ZNF324B: variants seen among roughly 807,000 people sequenced by gnomAD.
ZNF324B encodes zinc finger protein 324B.
ZNF324B carries 7 observed loss-of-function variants against 10.6 expected under a neutral mutation model. The observed-to-expected ratio is 0.66, with a 90% CI of 0.38 to 1.24. ZNF324B has a LOEUF of 1.24. Among genes scored for constraint, ZNF324B ranks in the 50% most tolerant of loss-of-function variants. ZNF324B has a pLI of 0.02. For missense variants in ZNF324B, 640 were observed against 764.7 expected, an observed-to-expected ratio of 0.84 and a Z score of 1.92; for synonymous variants, 316 against 321.0, an observed-to-expected ratio of 0.98 and a Z score of 0.17.
chr19:58,456,226 G>T lies in ZNF324B; in HGVS notation c.1282G>T (p.Ala428Ser), dbSNP rs200100167. ...VHTGEKPFAC[A>S]QCGRSFSRSS... ...CACAGGCGAGAAGCCCTTCGCCTGC[G>T]CCCAGTGCGGCCGCTCCTTTAGCCG... is the stretch of plus-strand genomic sequence containing the variant. Residue 428 changes from alanine (A) to serine (S), a missense_variant, in exon 4 of 4, where the codon GCC (alanine) becomes TCC (serine). This residue lies in a region of ZNF324B where 238 missense variants were observed against 258.0 expected (regional missense o/e 0.92). Transcript: ENST00000336614. This position sits in a 1 kb window ranked among gnomAD's most constrained non-coding sequence, Gnocchi z 4.7. The T allele has an allele frequency of 2.5e-6, 4 of 1,612,684 alleles. No individual in the cohort carries two copies. The highest frequency in any genetic ancestry group is 1.1e-5 in the South Asian group (1 of 91,048).
chr19:58,434,186 G>T, the ZNF324B span: 1 of 1,614,202 alleles, frequency 6.2e-7, no homozygotes, highest in Non-Finnish European at 8.5e-7. Context: ...CTCCAGTGCT[G>T]AATGAGAGCA....
upstream of ZNF324B, among the ~76,000 whole-genome samples, chr19:58,448,726 C>CA (rs949221732): frequency 1.7e-4 from 25 of 150,968 alleles, no homozygotes; most frequent in African/African-American, 1.7e-4. Context: ...GACTCCATCT[C>CA]AAAAAAAATA....
Position 58,457,107 on chromosome 19 carries a change from G to A in ZNF324B, c.*528G>A, listed in dbSNP as rs1599987109. 6.2e-6 allele frequency: 1 copy of A among 160,450 alleles called. No individual in the cohort carries two copies. The highest frequency in any genetic ancestry group is 2.4e-5 in the African/African-American group (1 of 41,548). 9.9% of individuals were successfully genotyped at this position (160,450 alleles called of 1,614,324 possible). A position where few individuals can be genotyped will look rare whatever the true frequency, so the allele number is the denominator to read the frequency against. ...GGGACTGGGGATCAGGGTGTGGCCTGTGAGTGTCAGCCTCCTCCTCGGAAA... is the reference window on the plus strand; with the variant it reads ...GGGACTGGGGATCAGGGTGTGGCCTATGAGTGTCAGCCTCCTCCTCGGAAA... On this transcript the variant is annotated 3_prime_UTR_variant, in exon 4 of 4. Coordinates refer to ENST00000336614, the MANE Select transcript of ZNF324B (RefSeq NM_207395.3).
chr19:58,423,728 A>G, the ZNF324B span, among the ~76,000 whole-genome samples: 3 of 152,192 alleles, frequency 2.0e-5, no homozygotes, highest in Non-Finnish European at 4.4e-5. Flanking sequence ...CACATAGACC[A>G]CGGAAACATA....
rs368847700 is a variant in ZNF324B, at chr19:58,454,243, G to A, written c.137G>A (p.Arg46Gln). 1.1e-5 allele frequency: 18 copies of A among 1,613,716 alleles called. No homozygotes were observed. In the Middle Eastern group the frequency reaches 6.6e-4, roughly 59 times the overall value. ...LVTSLGLSTS[R>Q]PRVVIQLERG... ...CTCCTCACAGGACTCTCTACCTCCCGACCTCGTGTGGTCATTCAACTTGAG... is the reference window on the plus strand; with the variant it reads ...CTCCTCACAGGACTCTCTACCTCCCAACCTCGTGTGGTCATTCAACTTGAG... The change falls in exon 3 of 4, where the codon CGA becomes CAA. Residue 46 changes from arginine to glutamine, a missense_variant. This residue lies in a region of ZNF324B where 345 missense variants were observed against 387.9 expected (regional missense o/e 0.89). Coordinates refer to ENST00000336614, the MANE Select transcript of ZNF324B (RefSeq NM_207395.3).
the ZNF324B span, chr19:58,442,161 C>CTTTTTTTTTTTTTTTTTTTT: frequency 2.1e-5 from 2 of 95,002 alleles, 1 homozygote; most frequent in African/African-American, 1.3e-4. Context: ...TGTTACAGTT[C>CTTTTTTTTTTTTTTTTTTTT]TTTTTTTTTT....
At chr19:58,450,450 G>C (rs562248849), upstream of ZNF324B, among the ~76,000 whole-genome samples, 1 of 133,474 alleles carries the variant, frequency 7.5e-6, no homozygotes, top group South Asian at 2.3e-4. Flanking sequence ...GGGTAAGAGA[G>C]TGAGACCCTG....
In ZNF324B at chr19:58,451,661, G is replaced by C. The variant is rs774768245; in HGVS notation, c.-50G>C. 2.4e-4 allele frequency: 122 copies of C among 509,340 alleles called. No individual in the cohort carries two copies. Among genetic ancestry groups the C allele is most frequent in the Non-Finnish European group, 2.3e-4 (59 of 256,018 alleles). The allele number at this position is 509,340 out of a possible 1,614,324, so 31.6% of individuals were successfully genotyped here. On this transcript the variant is annotated 5_prime_UTR_variant, in exon 1 of 4. Coordinates refer to ENST00000336614, the MANE Select transcript of ZNF324B (RefSeq NM_207395.3). ...CGCGTCAGGCCACACCGGTGGTCTGGGCTGTGGCGCGCGGGTCGGGGCCCG... is the reference window on the plus strand; with the variant it reads ...CGCGTCAGGCCACACCGGTGGTCTGCGCTGTGGCGCGCGGGTCGGGGCCCG...
the ZNF324B span, chr19:58,434,159 T>C: frequency 1.2e-6 from 2 of 1,614,172 alleles, no homozygotes; most frequent in Non-Finnish European, 1.7e-6. Flanking sequence ...TCATACGGTC[T>C]TTCTCCAGTG....
Position 58,455,361 on chromosome 19 carries a change from G to T in ZNF324B, c.417G>T (p.Val139=). The T allele has an allele frequency of 6.2e-7, 1 of 1,614,210 alleles. No homozygotes were observed. Among genetic ancestry groups the T allele is most frequent in the Non-Finnish European group, 8.5e-7 (1 of 1,180,032 alleles). Residue 139 remains valine (V), a synonymous_variant, in exon 4 of 4, where the codon GTG becomes GTT. Coordinates refer to ENST00000336614, the MANE Select transcript of ZNF324B (RefSeq NM_207395.3). The surrounding 1 kb of genome is among the most constrained non-coding windows in gnomAD (Gnocchi z 7.0). ...SPSQERKPTG[V]SVIYWERLLL... ...CTCAGGAGAGAAAACCCACGGGGGT[G>T]TCGGTGATCTACTGGGAGAGGCTCC...
chr19:58,433,845 G>A, the ZNF324B span: 3 of 1,614,130 alleles, frequency 1.9e-6, no homozygotes, highest in Admixed American at 1.7e-5. Context: ...GAATTCTCCA[G>A]TGCTGAATCA....
At chr19:58,423,993 A>G in the ZNF324B span, among the ~76,000 whole-genome samples, 4 of 152,176 alleles carry the variant, frequency 2.6e-5, no homozygotes, top group African/African-American at 9.6e-5. Context: ...TAATCCCAGC[A>G]CTTTGGGAGG....
chr19:58,435,170 GC>G, the ZNF324B span: 1 of 1,614,120 alleles, frequency 6.2e-7, no homozygotes, highest in South Asian at 1.1e-5. Flanking sequence ...GAAACATTCT[GC>G]TTGGGATGGG....
At chr19:58,443,665 T>C in the ZNF324B span, 1 of 152,260 alleles carries the variant, frequency 6.6e-6, no homozygotes, top group African/African-American at 2.4e-5. Flanking sequence ...GGTTACCCTG[T>C]CAGGATCTGT....
the ZNF324B span, chr19:58,436,983 G>C: frequency 1.9e-6 from 3 of 1,610,204 alleles, no homozygotes; most frequent in Non-Finnish European, 2.5e-6. Context: ...GATGAACAGA[G>C]CTTTCTATGG....
chr19:58,435,012 A>C, the ZNF324B span: 1 of 1,614,166 alleles, frequency 6.2e-7, no homozygotes, highest in Non-Finnish European at 8.5e-7. Flanking sequence ...CACATGCTCC[A>C]CATGTGTAGG....
chr19:58,455,367 G>A lies in ZNF324B; in HGVS notation c.423G>A (p.Val141=). ...AGAGAAAACCCACGGGGGTGTCGGT[G>A]ATCTACTGGGAGAGGCTCCTGCTAG... is the stretch of plus-strand genomic sequence containing the variant. ...SQERKPTGVS[V]IYWERLLLGS... Residue 141 remains valine (V), a synonymous_variant, in exon 4 of 4, where the codon GTG becomes GTA. Transcript: ENST00000336614. This position sits in a 1 kb window ranked among gnomAD's most constrained non-coding sequence, Gnocchi z 7.0. The A allele has an allele frequency of 6.2e-7, 1 of 1,614,214 alleles. No individual in the cohort carries two copies. The highest frequency in any genetic ancestry group is 8.5e-7 in the Non-Finnish European group (1 of 1,180,034).
chr19:58,439,328 A>C, the ZNF324B span, among the ~76,000 whole-genome samples: 1 of 152,086 alleles, frequency 6.6e-6, no homozygotes, highest in Admixed American at 6.6e-5. Flanking sequence ...CAGAGCACCT[A>C]CTTCCTCTAC....
chr19:58,446,784 C>A (rs1248377755), upstream of ZNF324B, among the ~76,000 whole-genome samples: 2 of 151,854 alleles, frequency 1.3e-5, no homozygotes, highest in Non-Finnish European at 2.9e-5. Flanking sequence ...ACCATGTTGG[C>A]CAAGATGGTC....
Sources: gnomAD v4.1 joint callset for allele counts (sites outside exome capture counted in the v4.1 genomes callset) on GRCh38, gnomAD v4.1.1 for gene constraint, gnomAD v4.1.1 regional missense constraint, Gnocchi (gnomAD v3.1) non-coding constraint, MANE v1.5 for transcripts, NCBI Gene and HGNC (gene_info 2026-07-23, HGNC 2026-07-21) for gene names.